The following PRIM2 variants were observed in gnomAD, a reference collection of about 807,000 sequenced individuals.
PRIM2 encodes DNA primase large subunit.
In PRIM2, 39 loss-of-function variants were observed where a neutral mutation model predicts 67.3. That is an observed-to-expected ratio of 0.58 (90% CI 0.45 to 0.76). The LOEUF is 0.76. Ranked by LOEUF, PRIM2 falls within the 30% of genes least tolerant of loss-of-function variation. The pLI is 0.00. For missense variants in PRIM2, 398 were observed against 598.7 expected, an observed-to-expected ratio of 0.66 and a Z score of 3.50; for synonymous variants, 143 against 198.7, an observed-to-expected ratio of 0.72 and a Z score of 2.36.
chr6:57,327,006 C>T (rs9464433), intron 5 of PRIM2, among the ~76,000 whole-genome samples: 19,222 of 150,062 alleles, frequency 0.13, 1,378 homozygotes, highest in African/African-American at 0.18. Context: ...TGGGTTCAAG[C>T]GATTCTCCTG....
chr6:57,531,768 A>G (rs1774896369), intron 8 of PRIM2, among the ~76,000 whole-genome samples: 1 of 152,180 alleles, frequency 6.6e-6, no homozygotes, highest in African/African-American at 2.4e-5. Flanking sequence ...AACTCCTCCA[A>G]GCCTCCATTC....
At chr6:57,496,167 A>G (rs1773999832) in intron 7 of PRIM2, among the ~76,000 whole-genome samples, 2 of 152,164 alleles carry the variant, frequency 1.3e-5, no homozygotes, top group African/African-American at 4.8e-5. Context: ...GTGTCTCTTC[A>G]CTTTGGTAAT....
intron 7 of PRIM2, among the ~76,000 whole-genome samples, chr6:57,466,949 GTC>G (rs1223816200): frequency 6.6e-6 from 1 of 151,978 alleles, no homozygotes; most frequent in East Asian, 1.9e-4. Context: ...GAGAAACGCT[GTC>G]TCTACCTAAA....
intron 10 of PRIM2, among the ~76,000 whole-genome samples, chr6:57,566,773 T>G (rs1775751265): frequency 6.6e-6 from 1 of 152,208 alleles, no homozygotes; most frequent in Non-Finnish European, 1.5e-5. Context: ...CTGCATAAAT[T>G]CAGGAAAGAA....
At chr6:57,254,349 G>A in the PRIM2 span, among the ~76,000 whole-genome samples, 253 of 152,208 alleles carry the variant, frequency 1.7e-3, no homozygotes, top group African/African-American at 5.8e-3. Flanking sequence ...TGTTTCCTTT[G>A]CTACTCCAAC....
At chr6:57,238,423 T>C in the PRIM2 span, among the ~76,000 whole-genome samples, 1 of 152,104 alleles carries the variant, frequency 6.6e-6, no homozygotes, top group African/African-American at 2.4e-5. Flanking sequence ...TCAAAACCTC[T>C]CAACTACATG....
intron 10 of PRIM2, among the ~76,000 whole-genome samples, chr6:57,547,697 A>G (rs1480580466): frequency 2.0e-4 from 30 of 152,262 alleles, no homozygotes; most frequent in African/African-American, 7.0e-4. Context: ...AACATTGATA[A>G]TGCACATTTT....
chr6:57,259,722 T>C, the PRIM2 span, among the ~76,000 whole-genome samples: 1 of 152,272 alleles, frequency 6.6e-6, no homozygotes, highest in Non-Finnish European at 1.5e-5. Flanking sequence ...CTGCTAGGAA[T>C]ATTGCTTGCT....
intron 10 of PRIM2, among the ~76,000 whole-genome samples, chr6:57,574,465 G>C (rs1173587752): frequency 6.6e-6 from 1 of 152,178 alleles, no homozygotes; most frequent in African/African-American, 2.4e-5. Flanking sequence ...GACAACTCAC[G>C]ATCAGAACCT....
At chr6:57,299,522 T>C in the PRIM2 span, among the ~76,000 whole-genome samples, 1 of 152,222 alleles carries the variant, frequency 6.6e-6, no homozygotes, top group East Asian at 1.9e-4. Context: ...AAGTGATAAC[T>C]TCCTGAGCTC....
rs555991945 is a variant in PRIM2, at chr6:57,442,897, C to T, written c.693+60729C>T. 4.1e-4 allele frequency among the ~76,000 whole-genome samples: 63 copies of T among 152,210 alleles called. 1 individual carries two copies. The highest frequency in any genetic ancestry group is 1.1e-3 in the African/African-American group (46 of 41,542). On this transcript the variant is annotated intron_variant, in intron 7 of 13. Transcript: ENST00000615550. The stretch of plus-strand genomic sequence containing the variant: ...CAAAGAAAAAAAAAATTTCTCTTAA[C>T]TGATATTTTGTACCCTTTGATCATC...
chr6:57,463,481 G>A (rs1310043053), intron 7 of PRIM2, among the ~76,000 whole-genome samples: 5 of 152,156 alleles, frequency 3.3e-5, no homozygotes, highest in South Asian at 4.1e-4. Context: ...GACAGAGCGA[G>A]CCCCTATCTC....
the PRIM2 span, among the ~76,000 whole-genome samples, chr6:57,239,566 A>G: frequency 2.0e-5 from 3 of 152,046 alleles, no homozygotes; most frequent in Non-Finnish European, 2.9e-5. Context: ...GAGACCCCAA[A>G]TCCCATCTCT....
chr6:57,429,350 A>C (rs1771743163), intron 7 of PRIM2, among the ~76,000 whole-genome samples: 1 of 152,174 alleles, frequency 6.6e-6, no homozygotes, highest in Admixed American at 6.5e-5. Context: ...TTCTTGCTGA[A>C]GACAGGCCAG....
At chr6:57,642,448 T>TAA (rs1777257954) in intron 13 of PRIM2, among the ~76,000 whole-genome samples, 1 of 132,158 alleles carries the variant, frequency 7.6e-6, no homozygotes, top group Non-Finnish European at 1.6e-5. Flanking sequence ...TTTTTTTTTT[T>TAA]TTTTTTTTTT....
intron 7 of PRIM2, among the ~76,000 whole-genome samples, chr6:57,451,848 T>G (rs1170521304): frequency 6.6e-6 from 1 of 151,874 alleles, no homozygotes; most frequent in Non-Finnish European, 1.5e-5. Context: ...TAATTACCTA[T>G]GTATGCATGT....
chr6:57,633,128 T>C (rs1235809690), intron 13 of PRIM2, among the ~76,000 whole-genome samples: 2 of 152,210 alleles, frequency 1.3e-5, no homozygotes, highest in Non-Finnish European at 2.9e-5. Flanking sequence ...GTTTGCCCTA[T>C]TAGAGGCATT....
In PRIM2 at chr6:57,380,962, G is replaced by A. The variant is rs80319915; in HGVS notation, c.555+966G>A. Among the ~76,000 whole-genome samples the A allele has an allele frequency of 3.5e-4, 52 of 150,404 alleles. 1 individual carries two copies. The highest frequency in any genetic ancestry group is 2.8e-3 in the South Asian group (13 of 4,646). On this transcript the variant is annotated intron_variant, in intron 6 of 13. Transcript: ENST00000615550. ...TTACAGATCTGGCTGCTGAGATTTA[G>A]AGGCATTCATTAAATTCACCAAATA... is the stretch of plus-strand genomic sequence containing the variant.
At chr6:57,293,360 A>C in the PRIM2 span, among the ~76,000 whole-genome samples, 4 of 152,214 alleles carry the variant, frequency 2.6e-5, no homozygotes, top group Non-Finnish European at 5.9e-5. Flanking sequence ...GGATGTGGAG[A>C]AATAGGAATG....
Sources: allele counts gnomAD v4.1 joint callset (sites outside exome capture counted in the v4.1 genomes callset), GRCh38; gene constraint gnomAD v4.1.1; transcripts MANE v1.5; gene names NCBI Gene and HGNC (gene_info 2026-07-23, HGNC 2026-07-21).